RBM47: variants seen among roughly 807,000 people sequenced by gnomAD.
RBM47 encodes RNA binding motif protein 47, also known as RNA-binding protein 47.
RBM47 carries 21 observed loss-of-function variants against 47.1 expected under a neutral mutation model. That is an observed-to-expected ratio of 0.45 (90% confidence interval 0.32 to 0.64). RBM47 has a LOEUF of 0.64. Among genes scored for constraint, RBM47 ranks in the 30% least tolerant of loss-of-function variants. The pLI is 0.05. For missense variants in RBM47, 708 were observed against 870.9 expected, an observed-to-expected ratio of 0.81 and a Z score of 2.35; for synonymous variants, 375 against 361.7, an observed-to-expected ratio of 1.04 and a Z score of -0.42.
At chr4:40,604,043 T>C (rs1052977280) in intron 1 of RBM47, among the ~76,000 whole-genome samples, 26 of 152,224 alleles carry the variant, frequency 1.7e-4, no homozygotes, top group African/African-American at 5.5e-4. Flanking sequence ...AAAACATGTT[T>C]TGGGAATGCT....
intron 2 of RBM47, among the ~76,000 whole-genome samples, chr4:40,530,842 G>T (rs1382531346): frequency 6.6e-6 from 1 of 152,174 alleles, no homozygotes; most frequent in African/African-American, 2.4e-5. Context: ...GCTCACACCT[G>T]CCACCCTAGC....
intron 1 of RBM47, among the ~76,000 whole-genome samples, chr4:40,580,743 T>C (rs6853261): frequency 0.42 from 63,239 of 152,116 alleles, 14,018 homozygotes; most frequent in East Asian, 0.71. Context: ...TGGGAAAGGA[T>C]GTACAATACA....
At chr4:40,509,386 T>C (rs1327732951) in intron 2 of RBM47, among the ~76,000 whole-genome samples, 7 of 152,092 alleles carry the variant, frequency 4.6e-5, no homozygotes, top group Non-Finnish European at 1.0e-4. Flanking sequence ...ACCCTCACTA[T>C]CATTTTAAAG....
intron 1 of RBM47, among the ~76,000 whole-genome samples, chr4:40,627,946 C>T (rs907286164): frequency 9.9e-5 from 15 of 152,110 alleles, no homozygotes; most frequent in African/African-American, 2.2e-4. Context: ...CTTCTGTAAA[C>T]GCAAAAACCA....
chr4:40,470,702 C>A (rs1718727057), intron 2 of RBM47, among the ~76,000 whole-genome samples: 1 of 152,198 alleles, frequency 6.6e-6, no homozygotes, highest in Admixed American at 6.5e-5. Context: ...CAACCCTCCA[C>A]CAAGGAATGA....
intron 3 of RBM47, among the ~76,000 whole-genome samples, chr4:40,461,159 TCC>T (rs1717086197): frequency 6.6e-6 from 1 of 152,200 alleles, no homozygotes; most frequent in South Asian, 2.1e-4. Flanking sequence ...ATTTATGATT[TCC>T]CAGGTCTACT....
chr4:40,520,260 T>A (rs944620032), intron 2 of RBM47, among the ~76,000 whole-genome samples: 2 of 152,238 alleles, frequency 1.3e-5, no homozygotes, highest in African/African-American at 4.8e-5. Context: ...GAGAAAGGAC[T>A]GTGCCTTCTG....
At chr4:40,527,436 A>AT (rs60524903) in intron 2 of RBM47, among the ~76,000 whole-genome samples, 3,764 of 104,710 alleles carry the variant, frequency 0.036, 82 homozygotes, top group Admixed American at 0.078. Context: ...ACACCTGGCA[A>AT]TTTTTTTTTT....
intron 1 of RBM47, among the ~76,000 whole-genome samples, chr4:40,567,173 A>G (rs74991873): frequency 0.099 from 15,000 of 151,906 alleles, 1,446 homozygotes; most frequent in African/African-American, 0.24. Flanking sequence ...TGAATCGGTG[A>G]CACCAAGAAA....
intron 2 of RBM47, among the ~76,000 whole-genome samples, chr4:40,527,986 C>T (rs1057234005): frequency 1.3e-5 from 2 of 152,206 alleles, no homozygotes; most frequent in Non-Finnish European, 2.9e-5. Flanking sequence ...ATACACTTTA[C>T]TTTAATGGTG....
chr4:40,610,902 C>T (rs142576118), intron 1 of RBM47, among the ~76,000 whole-genome samples: 1 of 152,128 alleles, frequency 6.6e-6, no homozygotes, highest in African/African-American at 2.4e-5. Flanking sequence ...GCCTTTCACC[C>T]TCCCCCATGA....
intron 1 of RBM47, among the ~76,000 whole-genome samples, chr4:40,590,459 CA>C (rs1195913181): frequency 6.6e-6 from 1 of 152,096 alleles, no homozygotes; most frequent in Non-Finnish European, 1.5e-5. Context: ...AGCAAGCAAA[CA>C]TCTTGGGGGC....
intron 1 of RBM47, among the ~76,000 whole-genome samples, chr4:40,616,476 G>A (rs534655600): frequency 1.3e-5 from 2 of 151,948 alleles, no homozygotes; most frequent in African/African-American, 4.8e-5. Context: ...ATCTCTGCTT[G>A]GGAGGTTGTA....
chr4:40,494,256 G>A (rs1322965449), intron 2 of RBM47, among the ~76,000 whole-genome samples: 2 of 152,110 alleles, frequency 1.3e-5, no homozygotes, highest in African/African-American at 4.8e-5. Context: ...TGCTTCAGAG[G>A]TTTTCTTACT....
chr4:40,426,278 A>C, intron 6 of RBM47, 135 bp from the exon 7 acceptor site: 2 of 1,163,760 alleles, frequency 1.7e-6, no homozygotes, highest in Non-Finnish European at 2.4e-6. Context: ...AGGGGCGGGC[A>C]AACAGCAATT....
chr4:40,432,894 A>C (rs1262333029), intron 5 of RBM47, 32 bp from the exon 6 acceptor site: 5 of 1,611,406 alleles, frequency 3.1e-6, no homozygotes. Context: ...AAAACAGGTC[A>C]ATCACTTTCA....
intron 5 of RBM47, 107 bp from the exon 6 acceptor site, chr4:40,432,969 T>C (rs184840401): frequency 3.5e-6 from 5 of 1,445,308 alleles, no homozygotes; most frequent in Admixed American, 6.0e-5. Context: ...TAAAAACTTT[T>C]CTTTTTTTTG....
chr4:40,600,036 C>T (rs1735101791), intron 1 of RBM47, among the ~76,000 whole-genome samples: 1 of 148,218 alleles, frequency 6.7e-6, no homozygotes, highest in African/African-American at 2.6e-5. Context: ...GAGACAAGGC[C>T]TCACTCTGTT....
At chr4:40,558,845 T>TTAGCCGGG (rs1730345867) in intron 1 of RBM47, among the ~76,000 whole-genome samples, 3 of 133,730 alleles carry the variant, frequency 2.2e-5, no homozygotes, top group African/African-American at 9.2e-5. Context: ...AAAAAAAAAA[T>TTAGCCGGG]TAGCCGGGCG....
Sources: allele counts gnomAD v4.1 joint callset (sites outside exome capture counted in the v4.1 genomes callset), GRCh38; gene constraint gnomAD v4.1.1; transcripts MANE v1.5; gene names NCBI Gene and HGNC (gene_info 2026-07-23, HGNC 2026-07-21).